The following TSPAN12 variants were observed in gnomAD, a reference collection of about 807,000 sequenced individuals.
The protein encoded by TSPAN12 is tetraspanin 12.
In TSPAN12, 19 loss-of-function variants were observed where a neutral mutation model predicts 39.2. That is an observed-to-expected ratio of 0.49 (90% CI 0.34 to 0.71). The LOEUF (loss-of-function observed/expected upper bound fraction) is 0.71. Among genes scored for constraint, TSPAN12 ranks in the 30% least tolerant of loss-of-function variants. The pLI is 0.01. For synonymous variants in TSPAN12, 119 were observed against 124.8 expected (o/e 0.95, Z 0.31); for missense variants, 314 against 359.9 (o/e 0.87, Z 1.03).
chr7:120,807,924 A>T (rs1177196912), intron 6 of TSPAN12, among the ~76,000 whole-genome samples: 1 of 152,124 alleles, frequency 6.6e-6, no homozygotes, highest in Non-Finnish European at 1.5e-5. Flanking sequence ...GTATACTATA[A>T]ACATCACAAA....
At chr7:120,842,123 T>C (rs1009725182) in intron 2 of TSPAN12, among the ~76,000 whole-genome samples, 3 of 152,206 alleles carry the variant, frequency 2.0e-5, no homozygotes, top group Non-Finnish European at 4.4e-5. Context: ...GCTGATACAA[T>C]GAATATACAG....
At chr7:120,831,355 C>T (rs1450835071) in intron 4 of TSPAN12, among the ~76,000 whole-genome samples, 2 of 151,918 alleles carry the variant, frequency 1.3e-5, no homozygotes, top group African/African-American at 4.8e-5. Flanking sequence ...CATGTTCATT[C>T]CAGCATTATT....
chr7:120,812,125 A>G (rs1430381357), intron 5 of TSPAN12, among the ~76,000 whole-genome samples: 1 of 152,224 alleles, frequency 6.6e-6, no homozygotes, highest in African/African-American at 2.4e-5. Context: ...CTATTCTCCA[A>G]TCACCTAGCA....
At chr7:120,827,730 G>A (rs1448374355) in intron 4 of TSPAN12, among the ~76,000 whole-genome samples, 3 of 152,306 alleles carry the variant, frequency 2.0e-5, no homozygotes, top group Admixed American at 2.0e-4. Context: ...TTATCTCTAA[G>A]TAAATGTTTT....
At chr7:120,798,512 C>G (rs772754042) in intron 7 of TSPAN12, among the ~76,000 whole-genome samples, 16 of 152,180 alleles carry the variant, frequency 1.1e-4, no homozygotes, top group Non-Finnish European at 1.8e-4. Context: ...GGAGGGTTTA[C>G]GGATGTTTAT....
chr7:120,847,514 G>A (rs1794695219), intron 2 of TSPAN12, among the ~76,000 whole-genome samples: 1 of 152,178 alleles, frequency 6.6e-6, no homozygotes, highest in South Asian at 2.1e-4. Context: ...AAACCTGTAT[G>A]TCCCTCCCAC....
At position 120,797,396 on chromosome 7, in the gene TSPAN12, G is replaced by A. The variant is rs990989179; in HGVS notation, c.613-8499C>T. 2.6e-5 allele frequency among the ~76,000 whole-genome samples: 4 copies of A among 152,228 alleles called. No homozygotes were observed. The East Asian group carries it at 5.8e-4, about 22-fold the overall frequency. On this transcript the variant is annotated intron_variant, in intron 7 of 7. Coordinates refer to ENST00000222747, the MANE Select transcript of TSPAN12 (RefSeq NM_012338.4). ...AAGTTGTCTCATCATTCTGGCCCCT[G>A]GATGAACTTGTGCAGCAGAGCTGCC...
chr7:120,839,337 C>T (rs1275204436), intron 3 of TSPAN12, among the ~76,000 whole-genome samples: 1 of 152,072 alleles, frequency 6.6e-6, no homozygotes, highest in Non-Finnish European at 1.5e-5. Context: ...ACAATTGATC[C>T]TCCCCCAAAA....
chr7:120,824,184 T>C (rs1794239468), intron 4 of TSPAN12, among the ~76,000 whole-genome samples: 1 of 151,200 alleles, frequency 6.6e-6, no homozygotes, highest in Non-Finnish European at 1.5e-5. Flanking sequence ...ATTAAAACTA[T>C]ACATTTGGGA....
At chr7:120,826,526 G>A (rs981065297) in intron 4 of TSPAN12, among the ~76,000 whole-genome samples, 3 of 152,054 alleles carry the variant, frequency 2.0e-5, no homozygotes, top group African/African-American at 7.2e-5. Flanking sequence ...TGTGAGACAG[G>A]GGTCCCCATT....
chr7:120,800,093 A>G (rs1793736541), intron 7 of TSPAN12, among the ~76,000 whole-genome samples: 1 of 151,974 alleles, frequency 6.6e-6, no homozygotes, highest in Non-Finnish European at 1.5e-5. Context: ...CAGAAAAAAT[A>G]ATATTGGTTA....
intron 2 of TSPAN12, among the ~76,000 whole-genome samples, chr7:120,853,547 A>G (rs950035804): frequency 6.7e-6 from 1 of 149,118 alleles, no homozygotes; most frequent in Non-Finnish European, 1.5e-5. Flanking sequence ...TATACATAAT[A>G]TATTCGTATT....
intron 4 of TSPAN12, among the ~76,000 whole-genome samples, chr7:120,838,375 G>A (rs997892824): frequency 3.9e-5 from 6 of 152,118 alleles, no homozygotes; most frequent in African/African-American, 1.4e-4. Context: ...CATTACATAC[G>A]TCTGCTACCT....
At chr7:120,800,744 G>GTTTTTTTTTTT (rs148802163) in intron 7 of TSPAN12, among the ~76,000 whole-genome samples, 1 of 118,738 alleles carries the variant, frequency 8.4e-6, no homozygotes, top group African/African-American at 3.2e-5. Context: ...TTTCCTTATC[G>GTTTTTTTTTTT]TTTTTTTTTG....
chr7:120,790,416 C>T (rs1164409286), intron 7 of TSPAN12, among the ~76,000 whole-genome samples: 3 of 152,170 alleles, frequency 2.0e-5, no homozygotes, highest in African/African-American at 7.2e-5. Flanking sequence ...CATTTTAACA[C>T]TTAGAATAGT....
At chr7:120,846,459 T>C (rs17532112) in intron 2 of TSPAN12, among the ~76,000 whole-genome samples, 7,138 of 152,322 alleles carry the variant, frequency 0.047, 253 homozygotes, top group Non-Finnish European at 0.073. Context: ...TCATTCTTCA[T>C]AGTGTACAAT....
chr7:120,811,595 G>A (rs961880070), intron 5 of TSPAN12, among the ~76,000 whole-genome samples: 18 of 151,236 alleles, frequency 1.2e-4, no homozygotes, highest in African/African-American at 3.2e-4. Context: ...GTGTGAACCC[G>A]GAGGGCGAAG....
intron 4 of TSPAN12, among the ~76,000 whole-genome samples, chr7:120,829,708 G>T (rs1312751880): frequency 3.3e-5 from 5 of 152,112 alleles, no homozygotes; most frequent in Admixed American, 6.6e-5. Context: ...AGCATGTGCT[G>T]CCAGAAAAAT....
intron 4 of TSPAN12, among the ~76,000 whole-genome samples, chr7:120,835,290 G>A (rs1380416739): frequency 6.6e-6 from 1 of 152,198 alleles, no homozygotes; most frequent in Admixed American, 6.5e-5. Context: ...CTGAATCCAA[G>A]CTCCCAGCCT....
Sources: allele counts gnomAD v4.1 joint callset (sites outside exome capture counted in the v4.1 genomes callset), GRCh38; gene constraint gnomAD v4.1.1; transcripts MANE v1.5; gene names NCBI Gene and HGNC (gene_info 2026-07-23, HGNC 2026-07-21).